LDB2: variants seen among roughly 807,000 people sequenced by gnomAD.
LDB2 encodes the protein LIM domain binding 2.
Under a neutral mutation model 44.3 loss-of-function variants are expected in LDB2, and 12 were observed. The observed-to-expected ratio is 0.27, with a 90% CI of 0.17 to 0.44. LDB2 has a LOEUF of 0.44. Among genes scored for constraint, LDB2 ranks in the 20% least tolerant of loss-of-function variants. The pLI, the probability that LDB2 is intolerant of heterozygous loss-of-function variation, is 1.00. For synonymous variants in LDB2, 164 were observed against 174.8 expected, an observed-to-expected ratio of 0.94 and a Z score of 0.49; for missense variants, 344 against 473.5, an observed-to-expected ratio of 0.73 and a Z score of 2.54.
intron 5 of LDB2, among the ~76,000 whole-genome samples, chr4:16,523,119 G>A (rs1346516735): frequency 6.6e-6 from 1 of 152,106 alleles, no homozygotes; most frequent in Non-Finnish European, 1.5e-5. Flanking sequence ...GTATGTATAT[G>A]TACGTATGCA....
At chr4:16,677,110 G>C (rs1746545439) in intron 2 of LDB2, among the ~76,000 whole-genome samples, 1 of 152,182 alleles carries the variant, frequency 6.6e-6, no homozygotes, top group Non-Finnish European at 1.5e-5. Flanking sequence ...CTATGTGTTG[G>C]AGTTATAGTG....
chr4:16,664,647 A>T (rs554232176), intron 2 of LDB2, among the ~76,000 whole-genome samples: 144 of 152,348 alleles, frequency 9.5e-4, no homozygotes, highest in Non-Finnish European at 1.7e-3. Context: ...TGTGATTACT[A>T]AAAAAATCTC....
At chr4:16,514,496 C>T (rs1410902961) in intron 5 of LDB2, among the ~76,000 whole-genome samples, 1 of 152,222 alleles carries the variant, frequency 6.6e-6, no homozygotes, top group African/African-American at 2.4e-5. Flanking sequence ...CCAACTGTCT[C>T]ATGTTCTCTT....
intron 5 of LDB2, among the ~76,000 whole-genome samples, chr4:16,572,233 G>GT (rs1746804413): frequency 6.6e-6 from 1 of 151,818 alleles, no homozygotes; most frequent in Non-Finnish European, 1.5e-5. Context: ...TGTTTTTTTT[G>GT]TTTTTGTTTT....
At chr4:16,812,629 A>ATGTGTG (rs1177533777) in intron 1 of LDB2, among the ~76,000 whole-genome samples, 16 of 34,016 alleles carry the variant, frequency 4.7e-4, no homozygotes, top group Middle Eastern at 0.017. Flanking sequence ...TGTATTAAAT[A>ATGTGTG]TATGTGTGTG....
chr4:16,861,444 T>C (rs1712506985), intron 1 of LDB2, among the ~76,000 whole-genome samples: 1 of 152,210 alleles, frequency 6.6e-6, no homozygotes, highest in Admixed American at 6.5e-5. Context: ...CTCCAGACTT[T>C]GACAAGTGTT....
intron 1 of LDB2, among the ~76,000 whole-genome samples, chr4:16,774,735 C>T (rs987552880): frequency 6.6e-6 from 1 of 151,278 alleles, no homozygotes; most frequent in Non-Finnish European, 1.5e-5. Context: ...GAACTCTTCC[C>T]TTTGAACTCC....
Position 16,897,895 on chromosome 4 carries a change from AATATATATATATATAT to A in LDB2, c.132+443_132+458del, listed in dbSNP as rs1174965862. 7.5e-3 allele frequency among the ~76,000 whole-genome samples: 588 copies of A among 78,114 alleles called. 18 individuals carry two copies. The highest frequency in any genetic ancestry group is 0.019 in the African/African-American group (495 of 26,112). The allele number at this position is 78,114 out of a possible 152,430, so 51.2% of individuals were successfully genotyped here. ...TTCCTCTAGGATTTGTAAAAAAGAAAATATATATATATATATATATATATATATATATATATATATA... is the reference window on the plus strand; with the variant it reads ...TTCCTCTAGGATTTGTAAAAAAGAAAATATATATATATATATATATATATA... On this transcript the variant is annotated intron_variant, in intron 1 of 7. Transcript: ENST00000304523.
intron 1 of LDB2, among the ~76,000 whole-genome samples, chr4:16,842,495 C>T (rs1179816295): frequency 6.6e-6 from 1 of 152,062 alleles, no homozygotes; most frequent in Non-Finnish European, 1.5e-5. Context: ...CCTGTGAATA[C>T]TTCAACAAAA....
intron 6 of LDB2, among the ~76,000 whole-genome samples, chr4:16,509,294 A>C (rs990410637): frequency 6.6e-6 from 1 of 152,202 alleles, no homozygotes; most frequent in African/African-American, 2.4e-5. Context: ...AGGAATACCC[A>C]TGGTTTGGGC....
At chr4:16,690,141 C>T (rs1750278066) in intron 2 of LDB2, among the ~76,000 whole-genome samples, 2 of 152,102 alleles carry the variant, frequency 1.3e-5, no homozygotes, top group African/African-American at 4.8e-5. Flanking sequence ...GTTTCTAACT[C>T]ATGGGGAAGT....
intron 5 of LDB2, among the ~76,000 whole-genome samples, chr4:16,563,990 A>G (rs1577766470): frequency 6.6e-6 from 1 of 152,314 alleles, no homozygotes; most frequent in African/African-American, 2.4e-5. Context: ...TGATTGTCCA[A>G]TGCTGAATGT....
rs1218763626 is a variant in LDB2, at chr4:16,766,468, ATGTGTGTG to A, written c.133-7216_133-7209del. Among the ~76,000 whole-genome samples the A allele has an allele frequency of 1.5e-3, 64 of 41,332 alleles. 1 individual carries two copies. Among genetic ancestry groups the A allele is most frequent in the African/African-American group, 2.7e-3 (61 of 22,246 alleles). The allele number at this position is 41,332 out of a possible 152,430, so 27.1% of individuals were successfully genotyped here. On this transcript the variant is annotated intron_variant, in intron 1 of 7. Coordinates refer to ENST00000304523, the MANE Select transcript of LDB2 (RefSeq NM_001290.5). ...TGTGTATATATATACACACACATAT[ATGTGTGTG>A]TGTGTGTGTGTGTGTGTGTGTGTGT...
intron 1 of LDB2, among the ~76,000 whole-genome samples, chr4:16,759,936 T>G (rs1767533135): frequency 6.6e-6 from 1 of 152,204 alleles, no homozygotes; most frequent in African/African-American, 2.4e-5. Flanking sequence ...TTTGTTTGTT[T>G]TGGGTTGAAT....
At chr4:16,733,606 A>C (rs558031531) in intron 2 of LDB2, among the ~76,000 whole-genome samples, 1 of 152,332 alleles carries the variant, frequency 6.6e-6, no homozygotes, top group South Asian at 2.1e-4. Context: ...ATATCACAAA[A>C]TAAAGAGAAA....
chr4:16,697,915 C>T (rs1261821307), intron 2 of LDB2, among the ~76,000 whole-genome samples: 1 of 152,164 alleles, frequency 6.6e-6, no homozygotes, highest in East Asian at 1.9e-4. Flanking sequence ...ATTTGTTCAC[C>T]ATGGCAGTGC....
intron 2 of LDB2, among the ~76,000 whole-genome samples, chr4:16,725,467 C>T (rs936871476): frequency 5.9e-5 from 9 of 152,072 alleles, no homozygotes; most frequent in Non-Finnish European, 7.4e-5. Context: ...TGCAGGAAGC[C>T]GGATCCCGCT....
rs1455296606 is a variant in LDB2 at position 16,821,394 on chromosome 4, T to A, written c.133-62134A>T. ...TATTTGAATTTTTTTTTTATTTTTT[T>A]TTTTTTGGAGACGGAGTCTCGCTCT... On this transcript the variant is annotated intron_variant, in intron 1 of 7. Coordinates refer to ENST00000304523, the MANE Select transcript of LDB2 (RefSeq NM_001290.5). Among the ~76,000 whole-genome samples, 203 of 149,310 alleles carry A rather than the reference T, an allele frequency of 1.4e-3. 1 individual carries two copies. The highest frequency in any genetic ancestry group is 4.9e-3 in the African/African-American group (195 of 39,864).
chr4:16,694,168 T>C (rs1040247618), intron 2 of LDB2, among the ~76,000 whole-genome samples: 1 of 152,178 alleles, frequency 6.6e-6, no homozygotes, highest in African/African-American at 2.4e-5. Flanking sequence ...GCTTCTTCAG[T>C]TGGGATTTGG....
Sources: allele counts gnomAD v4.1 joint callset (sites outside exome capture counted in the v4.1 genomes callset), GRCh38; gene constraint gnomAD v4.1.1; transcripts MANE v1.5; gene names NCBI Gene and HGNC (gene_info 2026-07-23, HGNC 2026-07-21).